Variants in TTLL11 observed in about 807,000 individuals in gnomAD.
TTLL11 encodes the protein tubulin polyglutamylase TTLL11.
A neutral mutation model predicts 51.7 loss-of-function variants in TTLL11; 42 were observed. The observed-to-expected ratio is 0.81, with a 90% confidence interval of 0.64 to 1.05. TTLL11 has a LOEUF of 1.05. TTLL11 is among the 50% of genes least tolerant of loss of function. The pLI is 0.00. For synonymous variants in TTLL11, 381 were observed against 383.5 expected (o/e 0.99, Z 0.08); for missense variants, 799 against 940.4 (o/e 0.85, Z 1.97).
chr9:121,865,670 T>G (rs1402089077), intron 7 of TTLL11, among the ~76,000 whole-genome samples: 1 of 152,048 alleles, frequency 6.6e-6, no homozygotes, highest in Non-Finnish European at 1.5e-5. Flanking sequence ...TAATGTCTAT[T>G]TCTCGGGGAA....
chr9:121,866,345 G>C, intron 7 of TTLL11, among the ~76,000 whole-genome samples: 1 of 152,270 alleles, frequency 6.6e-6, no homozygotes. Flanking sequence ...GTTGCTGTTA[G>C]GATTTTCTGG....
At chr9:121,841,678 G>T (rs1399606938) in intron 8 of TTLL11, among the ~76,000 whole-genome samples, 3 of 150,366 alleles carry the variant, frequency 2.0e-5, no homozygotes, top group Non-Finnish European at 2.9e-5. Flanking sequence ...ACGAAGAACT[G>T]TTACAGCAGC....
chr9:121,992,991 G>A (rs965052577), intron 3 of TTLL11, among the ~76,000 whole-genome samples: 2 of 152,220 alleles, frequency 1.3e-5, no homozygotes, highest in African/African-American at 2.4e-5. Flanking sequence ...GATGCATCCT[G>A]AGGATACTAT....
intron 6 of TTLL11, among the ~76,000 whole-genome samples, chr9:121,899,353 GTATGTGTGTGTGTA>G (rs1839660160): frequency 1.1e-5 from 1 of 89,032 alleles, no homozygotes; most frequent in Non-Finnish European, 2.4e-5. Context: ...GTGTGTGTGT[GTATGTGTGTGTGTA>G]TATATATATA....
chr9:121,839,203 G>A (rs1326708866), intron 8 of TTLL11, among the ~76,000 whole-genome samples: 1 of 152,192 alleles, frequency 6.6e-6, no homozygotes, highest in Non-Finnish European at 1.5e-5. Flanking sequence ...TGCAATTTCT[G>A]CGTTTCCATG....
Position 122,040,723 on chromosome 9 carries a change from A to G in TTLL11, c.463-1355T>C, listed in dbSNP as rs115859962. On this transcript the variant is annotated intron_variant, in intron 1 of 8. Coordinates refer to ENST00000321582, the MANE Select transcript of TTLL11 (RefSeq NM_001139442.2). The stretch of plus-strand genomic sequence containing the variant: ...TTCCATACATTCCACATTAAAATGA[A>G]GCCAGCCTCAAGTCATTTAAATCAG... 4.9e-3 allele frequency among the ~76,000 whole-genome samples: 740 copies of G among 152,350 alleles called. 3 individuals carry two copies. The highest frequency in any genetic ancestry group is 0.015 in the African/African-American group (626 of 41,586).
chr9:122,070,779 C>T (rs1235889747), intron 1 of TTLL11, among the ~76,000 whole-genome samples: 1 of 152,126 alleles, frequency 6.6e-6, no homozygotes, highest in East Asian at 1.9e-4. Context: ...TGTGCAGCAT[C>T]GTGCCAGGGT....
intron 2 of TTLL11, among the ~76,000 whole-genome samples, chr9:122,032,995 G>T (rs1029962889): frequency 7.3e-5 from 11 of 151,584 alleles, no homozygotes; most frequent in Admixed American, 6.6e-4. Flanking sequence ...TAGAGACAGG[G>T]TCTCACTATT....
At chr9:122,044,946 A>C (rs888231727) in intron 1 of TTLL11, among the ~76,000 whole-genome samples, 7 of 151,780 alleles carry the variant, frequency 4.6e-5, no homozygotes, top group Admixed American at 3.9e-4. Context: ...ACAACAACAA[A>C]ATACCTGAAA....
Position 121,978,449 on chromosome 9 carries a change from C to CTTTA in TTLL11, c.1270-3474_1270-3471dup, listed in dbSNP as rs143223546. 5.3e-3 allele frequency among the ~76,000 whole-genome samples: 788 copies of CTTTA among 148,344 alleles called. 6 individuals are homozygous for CTTTA. Among genetic ancestry groups the CTTTA allele is most frequent in the African/African-American group, 7.0e-3 (283 of 40,596 alleles). On this transcript the variant is annotated intron_variant, in intron 4 of 8. Coordinates refer to ENST00000321582, the MANE Select transcript of TTLL11 (RefSeq NM_001139442.2). ...TAAACTGGGGTTCCCAAGGAAAAAGCTTTATTTATTTATTTATTTATTTAT... is the reference window on the plus strand; with the variant it reads ...TAAACTGGGGTTCCCAAGGAAAAAGCTTTATTTATTTATTTATTTATTTATTTAT...
chr9:122,036,547 T>C (rs1057082015), intron 2 of TTLL11, among the ~76,000 whole-genome samples: 1 of 151,982 alleles, frequency 6.6e-6, no homozygotes, highest in Non-Finnish European at 1.5e-5. Context: ...AGCCAAAATA[T>C]AATAATGTAA....
chr9:121,866,454 G>A (rs1214470304), intron 7 of TTLL11, among the ~76,000 whole-genome samples: 2 of 152,110 alleles, frequency 1.3e-5, no homozygotes, highest in East Asian at 3.9e-4. Context: ...GAGGTCAGGA[G>A]TTCAAGACCA....
rs745700931 is a variant in TTLL11 at position 121,974,996 on chromosome 9, C to G, written c.1270-17G>C. The G allele has an allele frequency of 1.5e-5, 23 of 1,504,584 alleles. No homozygotes were observed. Among genetic ancestry groups the G allele is most frequent in the African/African-American group, 2.8e-5 (2 of 70,642 alleles). The allele number at this position is 1,504,584 out of a possible 1,614,324, so 93.2% of individuals were successfully genotyped here. A position where few individuals can be genotyped will look rare whatever the true frequency, so the allele number is the denominator to read the frequency against. On this transcript the variant is annotated splice_polypyrimidine_tract_variant and intron_variant, in intron 4 of 8. Transcript: ENST00000321582. ...GCCTAAAATCTGGGCAGGATAAACA[C>G]AATTCAGAATTACTGTCTCTATTGA... is the stretch of plus-strand genomic sequence containing the variant.
Position 121,819,674 on chromosome 9 carries a change from G to C in TTLL11, c.*2913C>G, listed in dbSNP as rs1360652930. ...ATCCTGAGGGCGCTTGCAGGGATGG[G>C]GCTTATCCTGCAGCAAAGCACAGGG... is the stretch of plus-strand genomic sequence containing the variant. On this transcript the variant is annotated 3_prime_UTR_variant, in exon 9 of 9. Transcript: ENST00000321582. Among the ~76,000 whole-genome samples, 3 of 152,086 alleles carry C rather than the reference G, an allele frequency of 2.0e-5. No homozygotes were observed. In the East Asian group the frequency reaches 5.8e-4, roughly 29 times the overall value.
At position 121,822,708 on chromosome 9, in the gene TTLL11, C is replaced by A. The variant is rs200414996; in HGVS notation, c.2012G>T (p.Arg671Leu). ...CTGGGGAGGGCCACGGTGTGGGGGC[C>A]GGCCCCCCGACGGGACGCCCCGGCC... ...VCGRGVPSGG[R>L]PPHRGPPQEP... Residue 671 changes from arginine to leucine, a missense_variant, in exon 9 of 9, where the codon CGG becomes CTG. This residue lies in a region of TTLL11 where 165 missense variants were observed against 166.1 expected (regional missense o/e 0.99). Coordinates refer to ENST00000321582, the MANE Select transcript of TTLL11 (RefSeq NM_001139442.2). This position sits in a 1 kb window ranked among gnomAD's most constrained non-coding sequence, Gnocchi z 5.8. The A allele has an allele frequency of 3.7e-4, 572 of 1,549,884 alleles. 5 individuals carry two copies. The Admixed American group carries it at 0.01, about 28-fold the overall frequency.
intron 1 of TTLL11, among the ~76,000 whole-genome samples, chr9:122,091,734 A>T (rs929103655): frequency 3.3e-5 from 5 of 152,190 alleles, no homozygotes; most frequent in Non-Finnish European, 5.9e-5. Flanking sequence ...GCTATCCTTA[A>T]TCAAACTCCT....
At chr9:122,000,807 C>T (rs1218068163) in intron 3 of TTLL11, among the ~76,000 whole-genome samples, 4 of 152,182 alleles carry the variant, frequency 2.6e-5, no homozygotes, top group Non-Finnish European at 4.4e-5. Flanking sequence ...ATCCACTTTA[C>T]TTTACGGACT....
intron 3 of TTLL11, among the ~76,000 whole-genome samples, chr9:122,021,262 T>A (rs1285627945): frequency 6.9e-6 from 1 of 145,148 alleles, no homozygotes; most frequent in African/African-American, 2.7e-5. Flanking sequence ...CAGTAGGACC[T>A]TGGTGAAGCC....
intron 8 of TTLL11, among the ~76,000 whole-genome samples, chr9:121,859,779 G>A (rs1404874674): frequency 6.6e-6 from 1 of 152,206 alleles, no homozygotes; most frequent in Non-Finnish European, 1.5e-5. Context: ...GCCACGGCCA[G>A]GCAATAGCCC....
Sources: gnomAD v4.1 joint callset for allele counts (sites outside exome capture counted in the v4.1 genomes callset) on GRCh38, gnomAD v4.1.1 for gene constraint, gnomAD v4.1.1 regional missense constraint, Gnocchi (gnomAD v3.1) non-coding constraint, MANE v1.5 for transcripts, NCBI Gene and HGNC (gene_info 2026-07-23, HGNC 2026-07-21) for gene names.